Variants in ZNF385D observed in about 807,000 individuals in gnomAD.
ZNF385D encodes the protein zinc finger protein 385D.
Under a neutral mutation model 35.8 loss-of-function variants are expected in ZNF385D, and 15 were observed. That is an observed-to-expected ratio of 0.42 (90% CI 0.28 to 0.64). The LOEUF (loss-of-function observed/expected upper bound fraction) is 0.64, where lower values mean the gene tolerates loss of function less well. ZNF385D is among the 30% of genes least tolerant of loss of function. The pLI is 0.23. For missense variants in ZNF385D, 474 were observed against 494.6 expected, an observed-to-expected ratio of 0.96 and a Z score of 0.39; for synonymous variants, 212 against 186.8, an observed-to-expected ratio of 1.13 and a Z score of -1.10.
At chr3:21,866,957 T>G (rs1038424317) in intron 3 of ZNF385D, among the ~76,000 whole-genome samples, 3 of 152,042 alleles carry the variant, frequency 2.0e-5, no homozygotes, top group Admixed American at 1.3e-4. Context: ...CTGCACCCAA[T>G]ACCCATTATC....
At chr3:22,112,949 A>G (rs1468427127) in intron 3 of ZNF385D, among the ~76,000 whole-genome samples, 2 of 152,136 alleles carry the variant, frequency 1.3e-5, no homozygotes, top group Non-Finnish European at 2.9e-5. Context: ...AAATGTGAAC[A>G]TGCCTCACAA....
rs141208418 is a variant in ZNF385D, at chr3:22,282,400, G to A, written c.106+90050C>T. On this transcript the variant is annotated intron_variant, in intron 2 of 5. Transcript: ENST00000494108. ...GAACTTTCCTCTTAGCACCACTTTT[G>A]CTGTTTCTTAGAGGTTTTGATAGGT... Among the ~76,000 whole-genome samples the A allele has an allele frequency of 4.0e-3, 612 of 152,010 alleles. 9 individuals carry two copies. In the South Asian group the frequency reaches 0.048, roughly 12 times the overall value.
chr3:21,721,034 T>A (rs1425904730), intron 1 of ZNF385D, among the ~76,000 whole-genome samples: 1 of 152,224 alleles, frequency 6.6e-6, no homozygotes, highest in African/African-American at 2.4e-5. Context: ...AAAAAACATA[T>A]CCTTTCTTAT....
chr3:21,905,221 A>AC (rs560825448), intron 3 of ZNF385D, among the ~76,000 whole-genome samples: 3,681 of 149,048 alleles, frequency 0.025, 438 homozygotes, highest in Admixed American at 0.18. Flanking sequence ...AAAAAAAAAA[A>AC]AAAAAAACCC....
intron 1 of ZNF385D, among the ~76,000 whole-genome samples, chr3:21,693,674 G>C (rs901038101): frequency 6.6e-6 from 1 of 152,178 alleles, no homozygotes; most frequent in Non-Finnish European, 1.5e-5. Context: ...ACAGGTGTTA[G>C]AAATACTGGA....
At chr3:21,952,073 A>G (rs1702092588) in intron 3 of ZNF385D, among the ~76,000 whole-genome samples, 1 of 151,914 alleles carries the variant, frequency 6.6e-6, no homozygotes, top group African/African-American at 2.4e-5. Context: ...CTTTTTAAGC[A>G]ACTAAGAACC....
At chr3:21,904,764 T>C (rs1699588557) in intron 3 of ZNF385D, among the ~76,000 whole-genome samples, 1 of 152,170 alleles carries the variant, frequency 6.6e-6, no homozygotes, top group Non-Finnish European at 1.5e-5. Flanking sequence ...GAATAGCACT[T>C]ATAAGAAAAT....
chr3:21,873,646 C>T lies in ZNF385D; in HGVS notation c.326-208618G>A, dbSNP rs77846697. ...AACAGAAACTTCCCATTTCTGCCTCCGCTTAGGACCTGGAAACTGCCATTT... is the reference window on the plus strand; with the variant it reads ...AACAGAAACTTCCCATTTCTGCCTCTGCTTAGGACCTGGAAACTGCCATTT... On this transcript the variant is annotated intron_variant, in intron 3 of 5. Transcript: ENST00000494108. Among the ~76,000 whole-genome samples the T allele has an allele frequency of 9.8e-3, 1,490 of 152,136 alleles. 27 individuals are homozygous for T. Among genetic ancestry groups the T allele is most frequent in the African/African-American group, 0.034 (1,404 of 41,530 alleles).
At chr3:22,102,458 T>A (rs1005715417) in intron 3 of ZNF385D, among the ~76,000 whole-genome samples, 6 of 151,856 alleles carry the variant, frequency 4.0e-5, no homozygotes, top group African/African-American at 7.3e-5. Flanking sequence ...CTAAACCAAT[T>A]CCCTCCTTCC....
chr3:22,330,994 A>C (rs922703178), intron 2 of ZNF385D, among the ~76,000 whole-genome samples: 1 of 152,024 alleles, frequency 6.6e-6, no homozygotes, highest in African/African-American at 2.4e-5. Context: ...ATGAATTTTA[A>C]CTCTTAAAAA....
chr3:22,063,181 A>T (rs1324291541), intron 3 of ZNF385D, among the ~76,000 whole-genome samples: 2 of 152,150 alleles, frequency 1.3e-5, no homozygotes, highest in Non-Finnish European at 2.9e-5. Context: ...AACCTTTCTG[A>T]ACTTCAGTTT....
intron 3 of ZNF385D, among the ~76,000 whole-genome samples, chr3:21,796,316 AAACCC>A (rs1642000239): frequency 6.6e-6 from 1 of 152,164 alleles, no homozygotes; most frequent in Non-Finnish European, 1.5e-5. Context: ...CCTTATACTA[AAACCC>A]AACAAGAACA....
At chr3:21,759,281 T>A (rs762428634) in intron 3 of ZNF385D, among the ~76,000 whole-genome samples, 3 of 151,942 alleles carry the variant, frequency 2.0e-5, no homozygotes, top group Non-Finnish European at 4.4e-5. Flanking sequence ...CGGACTGATA[T>A]AATGCAGAAA....
intron 3 of ZNF385D, among the ~76,000 whole-genome samples, chr3:21,791,095 C>T (rs551271992): frequency 2.4e-4 from 37 of 152,308 alleles, no homozygotes; most frequent in Non-Finnish European, 4.1e-4. Context: ...CTAAAAATCA[C>T]AAGTACTTTT....
chr3:21,735,103 A>C lies in ZNF385D; in HGVS notation c.22+15792T>G, dbSNP rs570965116. Among the ~76,000 whole-genome samples, 363 of 152,308 alleles carry C rather than the reference A, an allele frequency of 2.4e-3. 1 individual carries two copies. The highest frequency in any genetic ancestry group is 8.4e-3 in the African/African-American group (349 of 41,560). On this transcript the variant is annotated intron_variant, in intron 1 of 7. Transcript: ENST00000281523. ...CTGCCGAGTGCAGAGATCTACCCAC[A>C]TTCAATCCTAATGCAAATAATGGCA...
At chr3:22,332,447 G>C (rs1228334798) in intron 2 of ZNF385D, among the ~76,000 whole-genome samples, 1 of 151,998 alleles carries the variant, frequency 6.6e-6, no homozygotes, top group Non-Finnish European at 1.5e-5. Flanking sequence ...AGGACTATTT[G>C]GTATTGTGAA....
At chr3:22,031,070 C>A (rs763404201) in intron 3 of ZNF385D, among the ~76,000 whole-genome samples, 1 of 152,214 alleles carries the variant, frequency 6.6e-6, no homozygotes, top group Admixed American at 6.5e-5. Context: ...GGTGGGCTCT[C>A]AATGCTTTAG....
intron 2 of ZNF385D, among the ~76,000 whole-genome samples, chr3:22,276,925 G>C (rs373516254): frequency 6.6e-6 from 1 of 152,006 alleles, no homozygotes; most frequent in Non-Finnish European, 1.5e-5. Flanking sequence ...GAAATAACAA[G>C]AGATTTGTTA....
intron 3 of ZNF385D, among the ~76,000 whole-genome samples, chr3:21,775,559 C>T (rs555757259): frequency 4.5e-4 from 69 of 151,794 alleles, no homozygotes; most frequent in Non-Finnish European, 9.3e-4. Flanking sequence ...ATTTCTTTAG[C>T]AATTAAGACC....
Sources: gnomAD v4.1 joint callset for allele counts (sites outside exome capture counted in the v4.1 genomes callset) on GRCh38, gnomAD v4.1.1 for gene constraint, MANE v1.5 for transcripts, NCBI Gene and HGNC (gene_info 2026-07-23, HGNC 2026-07-21) for gene names.